Variants in COL4A2 observed in about 807,000 individuals in gnomAD.
COL4A2 encodes the protein collagen alpha-2(IV) chain.
A neutral mutation model predicts 200.2 loss-of-function variants in COL4A2; 99 were observed. That is an observed-to-expected ratio of 0.49 (90% CI 0.42 to 0.58). The LOEUF (loss-of-function observed/expected upper bound fraction) is 0.58. Ranked by LOEUF, COL4A2 falls within the 20% of genes least tolerant of loss-of-function variation. The pLI is 0.00. For missense variants in COL4A2, 1,950 were observed against 2,314.1 expected (o/e 0.84, Z 3.23); for synonymous variants, 897 against 900.6 (o/e 1.00, Z 0.07).
chr13:110,490,806 G>A (rs1035375555), intron 36 of COL4A2, among the ~76,000 whole-genome samples: 3 of 152,204 alleles, frequency 2.0e-5, no homozygotes, highest in Non-Finnish European at 2.9e-5. Flanking sequence ...GGGAAGAGAC[G>A]CTACCCCCAC....
intron 20 of COL4A2, 40 bp downstream of exon 20, chr13:110,450,494 T>C: frequency 1.2e-6 from 2 of 1,608,222 alleles, no homozygotes; most frequent in Non-Finnish European, 1.7e-6. Flanking sequence ...TAGCCTAATG[T>C]TCAGATGAAG....
At chr13:110,490,720 A>C (rs892037822) in intron 36 of COL4A2, among the ~76,000 whole-genome samples, 7 of 152,196 alleles carry the variant, frequency 4.6e-5, no homozygotes, top group Non-Finnish European at 7.4e-5. Flanking sequence ...CATTTGGTTT[A>C]TAAACACAGA....
At chr13:110,398,399 T>C (rs142839276) in intron 4 of COL4A2, among the ~76,000 whole-genome samples, 286 of 152,286 alleles carry the variant, frequency 1.9e-3, no homozygotes, top group African/African-American at 6.0e-3. Flanking sequence ...TGGCTCACAC[T>C]TGTAATTCCA....
intron 30 of COL4A2, 86 bp from the exon 31 acceptor site, chr13:110,480,134 T>C (rs1882847692): frequency 2.9e-6 from 4 of 1,386,280 alleles, no homozygotes; most frequent in Non-Finnish European, 3.9e-6. Flanking sequence ...CTTTTCTTAC[T>C]GAACACTCAA....
chr13:110,495,585 G>A (rs1883429711), intron 40 of COL4A2, 118 bp downstream of exon 40: 1 of 1,346,052 alleles, frequency 7.4e-7, no homozygotes, highest in Non-Finnish European at 1.0e-6. Flanking sequence ...GGAAAGAGCT[G>A]GTTTTTCTGG....
intron 3 of COL4A2, among the ~76,000 whole-genome samples, chr13:110,309,890 C>T (rs1226918378): frequency 6.6e-6 from 1 of 152,202 alleles, no homozygotes; most frequent in Admixed American, 6.5e-5. Context: ...ACTCAGGAGG[C>T]TGAGGCACAA....
intron 4 of COL4A2, among the ~76,000 whole-genome samples, chr13:110,404,793 G>T (rs890952259): frequency 7.9e-5 from 12 of 152,202 alleles, no homozygotes; most frequent in African/African-American, 2.7e-4. Flanking sequence ...TGGTCCACAG[G>T]ACCTAGCGCC....
chr13:110,359,366 G>A (rs562429621), intron 4 of COL4A2, among the ~76,000 whole-genome samples: 2 of 152,334 alleles, frequency 1.3e-5, no homozygotes, highest in Admixed American at 1.3e-4. Flanking sequence ...AGTCCATCTT[G>A]CATGTGTGAA....
chr13:110,484,827 C>T (rs533220013), intron 32 of COL4A2, 78 bp from the exon 33 acceptor site: 2 of 1,482,576 alleles, frequency 1.3e-6, no homozygotes, highest in East Asian at 2.3e-5. Flanking sequence ...CCCTATGGCT[C>T]AGGGACCAGG....
rs1319972493 is a variant in COL4A2 at position 110,472,998 on chromosome 13, T to G, written c.2273T>G (p.Ile758Ser). Residue 758 changes from isoleucine (I) to serine (S), a missense_variant, in exon 29 of 48, where the codon ATC (isoleucine) becomes AGC (serine). This residue lies in a region of COL4A2 where 1,385 missense variants were observed against 1,720.5 expected (regional missense o/e 0.80). Coordinates refer to ENST00000360467, the MANE Select transcript of COL4A2 (RefSeq NM_001846.4). The stretch of plus-strand genomic sequence containing the variant: ...GGCCCAGATGGATCCCCAGGTCCCA[T>G]CGGCCTGCCAGGGCCAGATGGGCCC... ...LPGPDGSPGPIGLPGPDGPPG... is the reference protein window; with the variant it reads ...LPGPDGSPGPSGLPGPDGPPG... 1.3e-6 allele frequency: 2 copies of G among 1,534,038 alleles called. No homozygotes were observed. Among genetic ancestry groups the G allele is most frequent in the East Asian group, 4.8e-5 (2 of 41,528 alleles).
intron 6 of COL4A2, among the ~76,000 whole-genome samples, chr13:110,425,819 GAGA>G (rs60586195): frequency 0.015 from 2,239 of 152,342 alleles, 55 homozygotes; most frequent in African/African-American, 0.051. Context: ...CCTTGCAGAA[GAGA>G]AGGAGGGAAT....
rs1300867171 is a variant in COL4A2, at chr13:110,424,819, A to G, written c.266A>G (p.Asp89Gly). The G allele has an allele frequency of 2.5e-6, 4 of 1,614,072 alleles. No individual in the cohort carries two copies. Among genetic ancestry groups the G allele is most frequent in the Non-Finnish European group, 3.4e-6 (4 of 1,179,950 alleles). Reference sequence around the variant, plus strand: ...CCGGGACTGCAGGGACGTAAAGGAGACAAGGGTGAAAGGGGAGCCCCCGGA... The same window carrying G: ...CCGGGACTGCAGGGACGTAAAGGAGGCAAGGGTGAAAGGGGAGCCCCCGGA... ...GFPGLQGRKGDKGERGAPGVT... is the reference protein window; with the variant it reads ...GFPGLQGRKGGKGERGAPGVT... Residue 89 changes from aspartate to glycine, a missense_variant, in exon 5 of 48, where the codon GAC becomes GGC. Transcript: ENST00000360467.
intron 3 of COL4A2, among the ~76,000 whole-genome samples, chr13:110,327,156 G>A (rs1215974905): frequency 2.0e-5 from 3 of 152,054 alleles, no homozygotes; most frequent in Non-Finnish European, 4.4e-5. Flanking sequence ...TGCTAACCCA[G>A]GCTGGCCTGT....
chr13:110,328,754 C>T (rs1400865536), intron 3 of COL4A2, among the ~76,000 whole-genome samples: 2 of 152,206 alleles, frequency 1.3e-5, no homozygotes, highest in African/African-American at 4.8e-5. Context: ...CGGGCTCCGT[C>T]ACCCAGCAGC....
intron 7 of COL4A2, 42 bp downstream of exon 7, chr13:110,428,625 C>A: frequency 1.7e-6 from 2 of 1,200,466 alleles, no homozygotes; most frequent in Non-Finnish European, 2.3e-6. Context: ...GACGGGCAGA[C>A]CCCTGCTAAG....
rs537993019 is a variant in COL4A2, at chr13:110,325,683, G to A, written c.99+17560G>A. 2.6e-5 allele frequency among the ~76,000 whole-genome samples: 4 copies of A among 152,290 alleles called. No individual in the cohort carries two copies. The South Asian group carries it at 8.3e-4, about 32-fold the overall frequency. ...TCTCAGATTGCTTACCCCGGTAGGTGCTGCCCTTCCCTTCGGGACACGGAA... is the reference window on the plus strand; with the variant it reads ...TCTCAGATTGCTTACCCCGGTAGGTACTGCCCTTCCCTTCGGGACACGGAA... On this transcript the variant is annotated intron_variant, in intron 3 of 47. Transcript: ENST00000360467.
At chr13:110,506,323 C>T in intron 45 of COL4A2, 92 bp from the exon 46 acceptor site, 1 of 1,340,050 alleles carries the variant, frequency 7.5e-7, no homozygotes. Flanking sequence ...CTCTCTCTCT[C>T]AGGCTGTAGG....
At position 110,432,305 on chromosome 13, in the gene COL4A2, A is replaced by G. The variant is rs761169823; in HGVS notation, c.649-20A>G. The G allele has an allele frequency of 7.5e-6, 12 of 1,600,286 alleles. No homozygotes were observed. Among genetic ancestry groups the G allele is most frequent in the Non-Finnish European group, 8.5e-7 (1 of 1,175,446 alleles). On this transcript the variant is annotated intron_variant, in intron 10 of 47. Transcript: ENST00000360467. ...CTGGGGTAAAGAAAACCATTTACAC[A>G]TTTCTTTGTATTTGTACAGGGACCA...
chr13:110,412,286 C>T (rs1349844223), intron 4 of COL4A2, among the ~76,000 whole-genome samples: 4 of 152,198 alleles, frequency 2.6e-5, no homozygotes, highest in East Asian at 1.9e-4. Flanking sequence ...GTGAGCTCCC[C>T]GTGACAAATG....
Sources: allele counts gnomAD v4.1 joint callset (sites outside exome capture counted in the v4.1 genomes callset), GRCh38; gene constraint gnomAD v4.1.1; regional missense constraint gnomAD v4.1.1; transcripts MANE v1.5; gene names NCBI Gene and HGNC (gene_info 2026-07-23, HGNC 2026-07-21).